Variants in MYH11 observed in about 807,000 individuals in gnomAD.
MYH11 encodes myosin heavy chain 11, also known as myosin-11.
A neutral mutation model predicts 246.6 loss-of-function variants in MYH11; 80 were observed. The observed-to-expected ratio is 0.32, with a 90% confidence interval of 0.27 to 0.39. The LOEUF is 0.39. Ranked by LOEUF, MYH11 falls within the 10% of genes least tolerant of loss-of-function variation. The pLI, the probability that MYH11 is intolerant of heterozygous loss-of-function variation, is 1.00. For synonymous variants in MYH11, 1,071 were observed against 1,015.5 expected, an observed-to-expected ratio of 1.05 and a Z score of -1.04; for missense variants, 2,158 against 2,546.8, an observed-to-expected ratio of 0.85 and a Z score of 3.29.
At chr16:15,784,002 G>GC (rs1490050669) in intron 5 of MYH11, among the ~76,000 whole-genome samples, 3 of 152,066 alleles carry the variant, frequency 2.0e-5, no homozygotes, top group Non-Finnish European at 4.4e-5. Context: ...CCACACATCA[G>GC]CCCCCCAAGC....
intron 26 of MYH11, 89 bp downstream of exon 26, chr16:15,735,277 C>G (rs1012709937): frequency 7.0e-7 from 1 of 1,423,094 alleles, no homozygotes; most frequent in Non-Finnish European, 9.9e-7. Context: ...GGGGCTGATG[C>G]ACGATTTGCT....
rs200572503 is a variant in MYH11 at position 15,741,854 on chromosome 16, T to G, written c.2558A>C (p.Glu853Ala). Residue 853 changes from glutamate to alanine, a missense_variant, in exon 21 of 41, where the codon GAG (glutamate) becomes GCG (alanine). Glu to Ala is a moderately radical substitution (Grantham distance 107, BLOSUM62 -1). Around this residue, in one of 11 missense-constraint regions of MYH11, gnomAD observed 90 missense variants for 144.2 expected, o/e 0.62. Coordinates refer to ENST00000300036, the MANE Select transcript of MYH11 (RefSeq NM_002474.3). ...PLLQVTRQEE[E>A]MQAKEDELQK... ...CAGTTCATCCTCCTTGGCCTGCATC[T>G]CCTCCTCCTGCCGTGTCACCTGCAG... The G allele has an allele frequency of 1.2e-6, 2 of 1,614,090 alleles. No individual in the cohort carries two copies. The highest frequency in any genetic ancestry group is 1.7e-6 in the Non-Finnish European group (2 of 1,180,048).
intron 27 of MYH11, among the ~76,000 whole-genome samples, chr16:15,728,951 C>A (rs2040879222): frequency 6.6e-6 from 1 of 151,976 alleles, no homozygotes; most frequent in Non-Finnish European, 1.5e-5. Flanking sequence ...GGCTTCTTTC[C>A]AGGTTGTAGA....
chr16:15,710,695 T>G (rs112567367), intron 40 of MYH11, among the ~76,000 whole-genome samples: 5,680 of 151,632 alleles, frequency 0.037, 362 homozygotes, highest in African/African-American at 0.13. Context: ...TTTGTTTTTT[T>G]TTTGGAGACA....
chr16:15,707,637 G>T (rs2039527108), intron 40 of MYH11, among the ~76,000 whole-genome samples: 1 of 152,214 alleles, frequency 6.6e-6, no homozygotes, highest in African/African-American at 2.4e-5. Flanking sequence ...ACACAAATGA[G>T]GGTTGGTTTG....
rs778782812 is a variant in MYH11 at position 15,719,294 on chromosome 16, A to C, written c.5097T>G (p.Ala1699=). The change falls in exon 36 of 41, where the codon GCT becomes GCG. Residue 1699 remains alanine (A), a synonymous_variant. Coordinates refer to ENST00000300036, the MANE Select transcript of MYH11 (RefSeq NM_002474.3). The part of the protein sequence containing the change: ...LMQLQEDLAA[A]ERARKQADLE... ...GGTCCGCTTGTTTGCGAGCCCTCTC[A>C]GCGGCGGCGAGGTCCTAGGTGGGAG... is the stretch of plus-strand genomic sequence containing the variant. The C allele has an allele frequency of 1.2e-6, 2 of 1,611,678 alleles. No individual in the cohort carries two copies. Among genetic ancestry groups the C allele is most frequent in the Admixed American group, 3.3e-5 (2 of 60,000 alleles).
chr16:15,731,502 CT>C (rs2040959756), intron 27 of MYH11, among the ~76,000 whole-genome samples: 2 of 137,156 alleles, frequency 1.5e-5, no homozygotes, highest in South Asian at 4.6e-4. Context: ...TTTTTTTTTT[CT>C]TTTTTTGAGA....
chr16:15,778,664 G>A, intron 7 of MYH11, 116 bp downstream of exon 7: 1 of 1,060,256 alleles, frequency 9.4e-7, no homozygotes, highest in Non-Finnish European at 1.5e-6. Context: ...ATTTGTTCTG[G>A]AAGAAACCTA....
At chr16:15,778,707 T>A in intron 7 of MYH11, 73 bp downstream of exon 7, 3 of 1,441,020 alleles carry the variant, frequency 2.1e-6, no homozygotes, top group Non-Finnish European at 2.0e-6. Context: ...GCTCTTGGAC[T>A]CTCCCAGCCT....
chr16:15,824,280 A>C (rs559582945), intron 2 of MYH11, among the ~76,000 whole-genome samples: 26 of 145,628 alleles, frequency 1.8e-4, no homozygotes, highest in Admixed American at 7.3e-4. Context: ...AATGTTGTTT[A>C]CTTTTTTTTT....
At chr16:15,763,741 T>TA in intron 10 of MYH11, 55 bp downstream of exon 10, 2 of 646,860 alleles carry the variant, frequency 3.1e-6, no homozygotes, top group Admixed American at 2.1e-5. Context: ...AAATGTCACC[T>TA]CCCCCACCCC....
chr16:15,740,300 T>G (rs772234438), intron 22 of MYH11, 112 bp from the exon 23 acceptor site: 147 of 1,522,300 alleles, frequency 9.7e-5, no homozygotes, highest in Non-Finnish European at 1.3e-4. Flanking sequence ...CAGAACTCTG[T>G]AGCCTCCTAA....
intron 36 of MYH11, 38 bp downstream of exon 36, chr16:15,719,182 T>A: frequency 6.3e-7 from 1 of 1,595,732 alleles, no homozygotes; most frequent in Non-Finnish European, 8.6e-7. Flanking sequence ...CCCCCCATCC[T>A]CTGCTTCAGA....
At chr16:15,778,462 G>A (rs2075515) in intron 7 of MYH11, among the ~76,000 whole-genome samples, 28,968 of 152,112 alleles carry the variant, frequency 0.19, 2,888 homozygotes, top group East Asian at 0.29. Flanking sequence ...TATGAGGCAG[G>A]TACCATTCAT....
chr16:15,814,721 G>C (rs767574659), intron 3 of MYH11, among the ~76,000 whole-genome samples: 2 of 151,966 alleles, frequency 1.3e-5, no homozygotes, highest in African/African-American at 2.4e-5. Flanking sequence ...GATCAAGGAG[G>C]AGACAAAAAC....
intron 20 of MYH11, among the ~76,000 whole-genome samples, chr16:15,743,443 A>G (rs2041331401): frequency 6.6e-6 from 1 of 152,180 alleles, no homozygotes; most frequent in South Asian, 2.1e-4. Flanking sequence ...TGCTGGGATT[A>G]CAGGCATGAG....
At chr16:15,718,511 T>C (rs1161635854) in intron 36 of MYH11, 73 bp from the exon 37 acceptor site, 2 of 1,526,198 alleles carry the variant, frequency 1.3e-6, no homozygotes, top group Non-Finnish European at 1.8e-6. Context: ...CTTGGAGTCA[T>C]GCCTCAGGGG....
chr16:15,803,396 C>T (rs148155909), intron 3 of MYH11, among the ~76,000 whole-genome samples: 2,209 of 151,790 alleles, frequency 0.015, 63 homozygotes, highest in African/African-American at 0.051. Context: ...TCCACCTCGG[C>T]CCCCCGAGTA....
At chr16:15,705,541 C>G (rs1423765795) in intron 40 of MYH11, among the ~76,000 whole-genome samples, 1 of 152,210 alleles carries the variant, frequency 6.6e-6, no homozygotes, top group Non-Finnish European at 1.5e-5. Flanking sequence ...ATGTTGGGCT[C>G]TGGCCATCTG....
Sources: gnomAD v4.1 joint callset for allele counts (sites outside exome capture counted in the v4.1 genomes callset) on GRCh38, gnomAD v4.1.1 for gene constraint, gnomAD v4.1.1 regional missense constraint, MANE v1.5 for transcripts, NCBI Gene and HGNC (gene_info 2026-07-23, HGNC 2026-07-21) for gene names.